Variants in GRM8 observed in about 807,000 individuals in gnomAD.
The protein encoded by GRM8 is glutamate metabotropic receptor 8, also known as metabotropic glutamate receptor 8.
GRM8 carries 47 observed loss-of-function variants against 87.2 expected under a neutral mutation model. That is an observed-to-expected ratio of 0.54 (90% CI 0.43 to 0.69). The LOEUF (loss-of-function observed/expected upper bound fraction) is 0.69. Ranked by LOEUF, GRM8 falls within the 30% of genes least tolerant of loss-of-function variation. The pLI is 0.00. For synonymous variants in GRM8, 396 were observed against 404.5 expected (o/e 0.98, Z 0.25); for missense variants, 1,019 against 1,139.2 (o/e 0.89, Z 1.52).
chr7:126,928,852 A>G (rs1308739983), intron 3 of GRM8, among the ~76,000 whole-genome samples: 3 of 152,298 alleles, frequency 2.0e-5, no homozygotes, highest in South Asian at 4.1e-4. Context: ...TTTTAAAAAG[A>G]AAGTGTGAAC....
At chr7:126,735,416 T>G (rs1814094214) in intron 7 of GRM8, among the ~76,000 whole-genome samples, 1 of 151,994 alleles carries the variant, frequency 6.6e-6, no homozygotes, top group Non-Finnish European at 1.5e-5. Context: ...CTGATGTATA[T>G]AAAGATGAAA....
intron 7 of GRM8, among the ~76,000 whole-genome samples, chr7:126,768,938 A>AACAACAAAAAAAT (rs371172804): frequency 3.4e-5 from 5 of 148,064 alleles, no homozygotes; most frequent in Non-Finnish European, 7.5e-5. Context: ...AAAAAAAAAA[A>AACAACAAAAAAAT]AAATAAAGAA....
At chr7:126,479,401 G>A (rs1197147717) in intron 9 of GRM8, among the ~76,000 whole-genome samples, 1 of 151,882 alleles carries the variant, frequency 6.6e-6, no homozygotes, top group South Asian at 2.1e-4. Flanking sequence ...CTAGCCCTAG[G>A]TAATCACTAA....
At chr7:127,030,108 G>C (rs1364996642) in intron 3 of GRM8, among the ~76,000 whole-genome samples, 4 of 152,058 alleles carry the variant, frequency 2.6e-5, no homozygotes, top group Non-Finnish European at 2.9e-5. Flanking sequence ...TACCCTTCCA[G>C]GGGGTGGCGA....
chr7:127,109,739 A>AGACCAAG (rs2133110496), intron 2 of GRM8, among the ~76,000 whole-genome samples: 1 of 152,312 alleles, frequency 6.6e-6, no homozygotes, highest in South Asian at 2.1e-4. Context: ...AACACCAGGC[A>AGACCAAG]GACCAAGTGC....
At chr7:126,700,726 T>C (rs1809832240) in intron 7 of GRM8, among the ~76,000 whole-genome samples, 1 of 152,130 alleles carries the variant, frequency 6.6e-6, no homozygotes, top group Non-Finnish European at 1.5e-5. Context: ...CCATTACATA[T>C]ATTTTTAAGT....
intron 7 of GRM8, among the ~76,000 whole-genome samples, chr7:126,681,181 A>C (rs1397368914): frequency 6.6e-6 from 1 of 152,170 alleles, no homozygotes; most frequent in East Asian, 1.9e-4. Context: ...CCCTTTCTGC[A>C]TTCTCTTTCT....
intron 2 of GRM8, among the ~76,000 whole-genome samples, chr7:127,164,417 C>T (rs1299863397): frequency 6.6e-6 from 1 of 152,166 alleles, no homozygotes; most frequent in Non-Finnish European, 1.5e-5. Flanking sequence ...AAAGTAAAGG[C>T]TGCAAGTGAT....
At position 126,950,805 on chromosome 7, in the gene GRM8, G is replaced by C. The variant is rs192576606; in HGVS notation, c.728-46122C>G. ...TAACTTACCCAAATTCACCGTACTA[G>C]TAAGTTGTAAAAGTCAAAAACTTTT... is the stretch of plus-strand genomic sequence containing the variant. On this transcript the variant is annotated intron_variant, in intron 3 of 10. Transcript: ENST00000339582. 3.3e-5 allele frequency among the ~76,000 whole-genome samples: 5 copies of C among 152,166 alleles called. No individual in the cohort carries two copies. In the East Asian group the frequency reaches 9.7e-4, roughly 29 times the overall value.
intron 3 of GRM8, among the ~76,000 whole-genome samples, chr7:126,993,886 G>A (rs1216698026): frequency 6.6e-6 from 1 of 152,110 alleles, no homozygotes; most frequent in Non-Finnish European, 1.5e-5. Context: ...TGGGATCCTA[G>A]GTGAACTTGA....
At chr7:127,035,381 G>A (rs1401600386) in intron 3 of GRM8, among the ~76,000 whole-genome samples, 1 of 152,176 alleles carries the variant, frequency 6.6e-6, no homozygotes, top group African/African-American at 2.4e-5. Flanking sequence ...TCAGGCCTGT[G>A]TAGTTTGCAT....
At position 127,076,515 on chromosome 7, in the gene GRM8, G is replaced by A. The variant is rs147715448; in HGVS notation, c.727+29981C>T. Among the ~76,000 whole-genome samples, 459 of 152,344 alleles carry A rather than the reference G, an allele frequency of 3.0e-3. 3 individuals are homozygous for A. The highest frequency in any genetic ancestry group is 6.8e-3 in the Middle Eastern group (2 of 294). ...CTGCTCAGGAGGATTAGCGCCTGAC[G>A]TGGAAGTGGTTTCCCATTCTTCTCT... On this transcript the variant is annotated intron_variant, in intron 3 of 10. Coordinates refer to ENST00000339582, the MANE Select transcript of GRM8 (RefSeq NM_000845.3).
At chr7:127,092,273 C>T (rs189520802) in intron 3 of GRM8, among the ~76,000 whole-genome samples, 1 of 151,934 alleles carries the variant, frequency 6.6e-6, no homozygotes, top group Non-Finnish European at 1.5e-5. Flanking sequence ...TGAATAAAAT[C>T]CCTCCTTATC....
At chr7:126,860,388 T>G (rs1046563204) in intron 6 of GRM8, among the ~76,000 whole-genome samples, 2 of 152,120 alleles carry the variant, frequency 1.3e-5, no homozygotes, top group African/African-American at 4.8e-5. Flanking sequence ...TAATAGACTA[T>G]TGGTGGTGAG....
At chr7:126,553,181 A>G (rs1035088500) in intron 8 of GRM8, among the ~76,000 whole-genome samples, 35 of 152,116 alleles carry the variant, frequency 2.3e-4, no homozygotes, top group Non-Finnish European at 5.0e-4. Flanking sequence ...TTCCTGCTTA[A>G]ATTGGATAGA....
chr7:126,970,787 AAGAC>A (rs1313751393), intron 3 of GRM8, among the ~76,000 whole-genome samples: 1 of 152,062 alleles, frequency 6.6e-6, no homozygotes, highest in East Asian at 1.9e-4. Context: ...TTTTAATTGA[AAGAC>A]AGAGGTATGA....
At chr7:127,224,441 T>C (rs746335067) in intron 2 of GRM8, among the ~76,000 whole-genome samples, 8 of 152,224 alleles carry the variant, frequency 5.3e-5, no homozygotes, top group Non-Finnish European at 1.2e-4. Context: ...TCCAAAATTC[T>C]ATATCCAGAG....
chr7:127,026,494 ATT>A (rs1816795789), intron 3 of GRM8, among the ~76,000 whole-genome samples: 1 of 152,058 alleles, frequency 6.6e-6, no homozygotes, highest in Non-Finnish European at 1.5e-5. Context: ...ATTTCTCCAC[ATT>A]CTCTCCAGCA....
intron 6 of GRM8, among the ~76,000 whole-genome samples, chr7:126,790,629 TC>T (rs1361743255): frequency 1.3e-5 from 2 of 152,202 alleles, no homozygotes; most frequent in Non-Finnish European, 2.9e-5. Flanking sequence ...TAGAGGTGAA[TC>T]CGCTTTGTTT....
Sources: gnomAD v4.1 joint callset for allele counts (sites outside exome capture counted in the v4.1 genomes callset) on GRCh38, gnomAD v4.1.1 for gene constraint, MANE v1.5 for transcripts, NCBI Gene and HGNC (gene_info 2026-07-23, HGNC 2026-07-21) for gene names.